The following LAMA2 variants were observed in gnomAD, a reference collection of about 807,000 sequenced individuals.
LAMA2 encodes the protein laminin subunit alpha-2.
LAMA2 carries 269 observed loss-of-function variants against 364.8 expected under a neutral mutation model. The ratio of observed to expected loss-of-function variants is 0.74; its 90% CI spans 0.67 to 0.82. The LOEUF (loss-of-function observed/expected upper bound fraction) is 0.82, where lower values mean the gene tolerates loss of function less well. LAMA2 is among the 40% of genes least tolerant of loss of function. LAMA2 has a pLI of 0.00. For missense variants in LAMA2, 3,807 were observed against 3,873.2 expected, an observed-to-expected ratio of 0.98 and a Z score of 0.45; for synonymous variants, 1,379 against 1,370.6, an observed-to-expected ratio of 1.01 and a Z score of -0.14.
intron 14 of LAMA2, among the ~76,000 whole-genome samples, chr6:129,258,335 G>T (rs905918064): frequency 3.3e-5 from 5 of 152,058 alleles, no homozygotes; most frequent in African/African-American, 1.2e-4. Flanking sequence ...CTCGAAGGTA[G>T]AAACAATCCA....
At chr6:128,970,262 T>C (rs895358516) in intron 1 of LAMA2, among the ~76,000 whole-genome samples, 1 of 152,206 alleles carries the variant, frequency 6.6e-6, no homozygotes, top group African/African-American at 2.4e-5. Flanking sequence ...CTTATTCGAC[T>C]TTTATTACGT....
chr6:129,498,310 C>T (rs73776191), intron 58 of LAMA2, among the ~76,000 whole-genome samples: 7,933 of 152,222 alleles, frequency 0.052, 518 homozygotes, highest in African/African-American at 0.15. Context: ...GAAAGGAAAG[C>T]GATTTCCCTA....
intron 19 of LAMA2, 79 bp downstream of exon 19, chr6:129,288,137 A>G: frequency 8.3e-7 from 1 of 1,200,464 alleles, no homozygotes. Flanking sequence ...TTGAGTGTGG[A>G]TTGAAGAGTA....
In LAMA2 at chr6:129,503,212, T is replaced by A; in HGVS notation, c.8479T>A (p.Tyr2827Asn). 2 of 1,614,170 alleles carry A rather than the reference T, an allele frequency of 1.2e-6. No homozygotes were observed. Among genetic ancestry groups the A allele is most frequent in the Non-Finnish European group, 1.7e-6 (2 of 1,180,010 alleles). ...GAGAAATGGATTGCCCTACTTCAGC[T>A]ATGACTTGGGGAGTGGGGACACCCA... ...QLRNGLPYFS[Y>N]DLGSGDTHTM... The change falls in exon 60 of 65, where the codon TAT becomes AAT. Residue 2827 changes from tyrosine to asparagine, a missense_variant. Transcript: ENST00000421865.
intron 10 of LAMA2, among the ~76,000 whole-genome samples, chr6:129,187,982 CA>C (rs1781325285): frequency 6.6e-6 from 1 of 151,870 alleles, no homozygotes; most frequent in South Asian, 2.1e-4. Context: ...TCTATGTCCA[CA>C]AGTTGAATTT....
chr6:129,112,978 AC>A lies in LAMA2; in HGVS notation c.639+14565del, dbSNP rs1274954024. 2.0e-5 allele frequency among the ~76,000 whole-genome samples: 3 copies of A among 152,138 alleles called. No homozygotes were observed. The East Asian group carries it at 5.8e-4, about 29-fold the overall frequency. On this transcript the variant is annotated intron_variant, in intron 4 of 64. Transcript: ENST00000421865. ...GGGAAAACAAAAACAAAAACAAAAC[AC>A]CTGCCTTGCAGAAACATGTCATAGA...
At chr6:128,954,058 T>C (rs1027953887) in intron 1 of LAMA2, among the ~76,000 whole-genome samples, 1 of 152,160 alleles carries the variant, frequency 6.6e-6, no homozygotes, top group East Asian at 1.9e-4. Context: ...TAGGTCAAGA[T>C]TGTTTGAAAG....
chr6:129,329,601 A>G (rs1266182980), intron 29 of LAMA2, among the ~76,000 whole-genome samples: 2 of 152,112 alleles, frequency 1.3e-5, no homozygotes, highest in African/African-American at 4.8e-5. Flanking sequence ...ACCTCAGGTA[A>G]TCCACCCACC....
At chr6:129,232,982 G>A (rs1329241550) in intron 12 of LAMA2, among the ~76,000 whole-genome samples, 3 of 152,124 alleles carry the variant, frequency 2.0e-5, no homozygotes, top group African/African-American at 7.2e-5. Flanking sequence ...AGCATTGGCT[G>A]ACAAACAGCA....
intron 27 of LAMA2, among the ~76,000 whole-genome samples, chr6:129,318,379 C>T (rs1774747549): frequency 6.6e-6 from 1 of 151,898 alleles, no homozygotes; most frequent in Non-Finnish European, 1.5e-5. Context: ...GGCCAAATCC[C>T]TGATGCAATC....
chr6:129,470,468 G>A (rs765046894), intron 51 of LAMA2, among the ~76,000 whole-genome samples: 1 of 151,856 alleles, frequency 6.6e-6, no homozygotes, highest in Admixed American at 6.6e-5. Flanking sequence ...AACCTGAGAT[G>A]TGGGCAAAGG....
Position 129,460,425 on chromosome 6 carries a change from G to A in LAMA2, c.6992+101G>A, listed in dbSNP as rs527812889. On this transcript the variant is annotated intron_variant, in intron 49 of 64. Transcript: ENST00000421865. ...ATTATCATGTGGATGATGTGGAGCA[G>A]GTTTGAAAGGATTATACTCAGAGGT... 8 of 1,223,306 alleles carry A rather than the reference G, an allele frequency of 6.5e-6. No individual in the cohort carries two copies. In the South Asian group the frequency reaches 7.3e-5, roughly 11 times the overall value. The allele number at this position is 1,223,306 out of a possible 1,614,324, so 75.8% of individuals were successfully genotyped here. A position where few individuals can be genotyped will look rare whatever the true frequency, so the allele number is the denominator to read the frequency against.
intron 1 of LAMA2, among the ~76,000 whole-genome samples, chr6:129,047,943 G>A (rs1403989403): frequency 6.6e-6 from 1 of 152,162 alleles, no homozygotes; most frequent in Non-Finnish European, 1.5e-5. Flanking sequence ...ATTCAGTAGA[G>A]TGATTAAGAG....
At chr6:129,438,942 T>C (rs1053333161) in intron 42 of LAMA2, among the ~76,000 whole-genome samples, 180 bp downstream of exon 42, 2 of 152,040 alleles carry the variant, frequency 1.3e-5, no homozygotes, top group African/African-American at 4.8e-5. Context: ...CTTTGCATTA[T>C]GGTATTTTTT....
chr6:129,464,638 A>G (rs1260216268), intron 50 of LAMA2, among the ~76,000 whole-genome samples, 186 bp downstream of exon 50: 1 of 152,004 alleles, frequency 6.6e-6, no homozygotes, highest in Non-Finnish European at 1.5e-5. Flanking sequence ...AATAACTTTA[A>G]TCACAGATAC....
intron 4 of LAMA2, among the ~76,000 whole-genome samples, chr6:129,134,875 C>T (rs1777691408): frequency 6.6e-6 from 1 of 152,192 alleles, no homozygotes; most frequent in Admixed American, 6.5e-5. Context: ...TAGAGCTTTC[C>T]TTCTATTTAC....
chr6:129,496,129 A>G (rs947300272), intron 58 of LAMA2, among the ~76,000 whole-genome samples: 3 of 152,036 alleles, frequency 2.0e-5, no homozygotes, highest in African/African-American at 7.2e-5. Flanking sequence ...AGATATCTAA[A>G]TTCCAACTGC....
At chr6:128,987,354 G>T (rs977553837) in intron 1 of LAMA2, among the ~76,000 whole-genome samples, 1 of 151,936 alleles carries the variant, frequency 6.6e-6, no homozygotes, top group African/African-American at 2.4e-5. Flanking sequence ...TTTTGGCGAG[G>T]CTGGTCTCAA....
At chr6:129,358,379 C>G (rs1777274284) in intron 32 of LAMA2, among the ~76,000 whole-genome samples, 1 of 151,970 alleles carries the variant, frequency 6.6e-6, no homozygotes, top group Non-Finnish European at 1.5e-5. Context: ...TCACTGTTGC[C>G]TTTGTTTTCA....
Sources: gnomAD v4.1 joint callset for allele counts (sites outside exome capture counted in the v4.1 genomes callset) on GRCh38, gnomAD v4.1.1 for gene constraint, MANE v1.5 for transcripts, NCBI Gene and HGNC (gene_info 2026-07-23, HGNC 2026-07-21) for gene names.